AGBL4: variants seen among roughly 807,000 people sequenced by gnomAD.
AGBL4 encodes the protein AGBL carboxypeptidase 4, also known as cytosolic carboxypeptidase 6.
In AGBL4, 58 loss-of-function variants were observed where a neutral mutation model predicts 66.4. The observed-to-expected ratio is 0.87, with a 90% CI of 0.71 to 1.09. The LOEUF is 1.09. Ranked by LOEUF, AGBL4 falls within the 50% of genes least tolerant of loss-of-function variation. The probability of loss-of-function intolerance (pLI) is 0.00; values close to 1 mark genes in which losing one functional copy is unlikely to be tolerated. For missense variants in AGBL4, 579 were observed against 631.0 expected (o/e 0.92, Z 0.88); for synonymous variants, 234 against 222.9 (o/e 1.05, Z -0.44).
chr1:49,756,590 T>C (rs1163646906), intron 2 of AGBL4, among the ~76,000 whole-genome samples: 1 of 152,224 alleles, frequency 6.6e-6, no homozygotes, highest in Non-Finnish European at 1.5e-5. Context: ...TCTTGAATTG[T>C]AGTTCCCATA....
At chr1:48,899,060 G>C (rs568187230) in intron 5 of AGBL4, among the ~76,000 whole-genome samples, 53 of 152,318 alleles carry the variant, frequency 3.5e-4, no homozygotes, top group African/African-American at 1.3e-3. Context: ...CAGCCACGTC[G>C]CTGGGCCTGA....
rs1237812622 is a variant in AGBL4 at position 49,700,873 on chromosome 1, T to TA, written c.158-3437dup. Among the ~76,000 whole-genome samples the TA allele has an allele frequency of 9.9e-5, 15 of 151,680 alleles. No homozygotes were observed. In the South Asian group the frequency reaches 2.9e-3, roughly 30 times the overall value. On this transcript the variant is annotated intron_variant, in intron 2 of 13. Coordinates refer to ENST00000371839, the MANE Select transcript of AGBL4 (RefSeq NM_032785.4). ...GATCCATGCTTCTGTTTTAAAGAGG[T>TA]AAAAAAAGATGGTATTTTCAAAACA... is the stretch of plus-strand genomic sequence containing the variant.
At chr1:49,177,087 T>G (rs1646846473) in intron 4 of AGBL4, among the ~76,000 whole-genome samples, 1 of 152,134 alleles carries the variant, frequency 6.6e-6, no homozygotes, top group African/African-American at 2.4e-5. Context: ...TTTGATTATA[T>G]CTTGTGAAGA....
At chr1:49,134,232 C>CGAGACCACGAGGTCAGGGT (rs1645959688) in intron 4 of AGBL4, among the ~76,000 whole-genome samples, 2 of 152,036 alleles carry the variant, frequency 1.3e-5, no homozygotes, top group Admixed American at 1.3e-4. Context: ...AAGGTCAGGG[C>CGAGACCACGAGGTCAGGGT]GAGACCACGA....
intron 6 of AGBL4, among the ~76,000 whole-genome samples, chr1:48,841,399 AAC>A (rs751288633): frequency 0.031 from 2,171 of 70,158 alleles, 98 homozygotes; most frequent in Admixed American, 0.12. Flanking sequence ...CTTACTACAA[AAC>A]CCCCCCCCCC....
chr1:49,210,028 A>T (rs1230181467), intron 4 of AGBL4, among the ~76,000 whole-genome samples: 1 of 152,116 alleles, frequency 6.6e-6, no homozygotes, highest in African/African-American at 2.4e-5. Flanking sequence ...TCAAGTGAAA[A>T]GTGTAAGACG....
chr1:49,324,067 C>T (rs61783593), intron 3 of AGBL4, among the ~76,000 whole-genome samples: 73 of 152,280 alleles, frequency 4.8e-4, no homozygotes, highest in Non-Finnish European at 8.5e-4. Flanking sequence ...AACAAATTAA[C>T]GAATAAATGA....
intron 11 of AGBL4, among the ~76,000 whole-genome samples, chr1:48,581,563 C>A (rs1312965746): frequency 6.6e-6 from 1 of 152,118 alleles, no homozygotes; most frequent in Non-Finnish European, 1.5e-5. Context: ...CCCTCTTTTT[C>A]AAATCGTTTG....
At chr1:49,074,515 A>G (rs147832163) in intron 4 of AGBL4, among the ~76,000 whole-genome samples, 1,858 of 152,170 alleles carry the variant, frequency 0.012, 36 homozygotes, top group African/African-American at 0.043. Flanking sequence ...TTCCTATTCG[A>G]CCATCTTGCC....
At chr1:49,424,382 C>T (rs572586375) in intron 3 of AGBL4, among the ~76,000 whole-genome samples, 2 of 152,162 alleles carry the variant, frequency 1.3e-5, no homozygotes, top group African/African-American at 4.8e-5. Context: ...TATATTAGTC[C>T]TGCCTTAGGC....
chr1:49,657,627 C>T (rs1257552169), intron 3 of AGBL4, among the ~76,000 whole-genome samples: 1 of 152,148 alleles, frequency 6.6e-6, no homozygotes, highest in Non-Finnish European at 1.5e-5. Context: ...GCCACAGTAA[C>T]CAAAACAGCA....
At chr1:49,650,797 G>A (rs1016007196) in intron 3 of AGBL4, among the ~76,000 whole-genome samples, 3 of 152,140 alleles carry the variant, frequency 2.0e-5, no homozygotes, top group South Asian at 2.1e-4. Flanking sequence ...TCTGTGAAGC[G>A]GGTGGTACTA....
intron 2 of AGBL4, among the ~76,000 whole-genome samples, chr1:49,797,978 G>T (rs546859547): frequency 6.6e-6 from 1 of 152,076 alleles, no homozygotes; most frequent in Non-Finnish European, 1.5e-5. Context: ...GGCCAGGCTG[G>T]TCTCGAACTA....
At chr1:49,420,344 C>T (rs1245697828) in intron 3 of AGBL4, among the ~76,000 whole-genome samples, 1 of 152,110 alleles carries the variant, frequency 6.6e-6, no homozygotes, top group Non-Finnish European at 1.5e-5. Context: ...ATAAGAGTAA[C>T]AAACTAGTCT....
intron 5 of AGBL4, among the ~76,000 whole-genome samples, chr1:49,031,670 G>A (rs149443965): frequency 1.3e-5 from 2 of 152,198 alleles, no homozygotes; most frequent in African/African-American, 4.8e-5. Flanking sequence ...AACATCATTA[G>A]TCATAAGGGG....
intron 4 of AGBL4, among the ~76,000 whole-genome samples, chr1:49,124,436 T>C (rs935956790): frequency 7.2e-5 from 11 of 152,172 alleles, no homozygotes; most frequent in African/African-American, 1.4e-4. Context: ...TCAGCTGCTA[T>C]TGGATAATTA....
rs552684991 is a variant in AGBL4 at position 49,185,205 on chromosome 1, A to T, written c.377+60565T>A. Among the ~76,000 whole-genome samples the T allele has an allele frequency of 2.6e-5, 4 of 152,302 alleles. No homozygotes were observed. In the South Asian group the frequency reaches 8.3e-4, roughly 32 times the overall value. On this transcript the variant is annotated intron_variant, in intron 4 of 13. Coordinates refer to ENST00000371839, the MANE Select transcript of AGBL4 (RefSeq NM_032785.4). The stretch of plus-strand genomic sequence containing the variant: ...GTGGAGATGCCCGTAAGTAAGACAG[A>T]CCAGGTCTCTGTCCCCATAGAAAAT...
chr1:49,315,049 C>G (rs1219744978), intron 3 of AGBL4, among the ~76,000 whole-genome samples: 3 of 151,794 alleles, frequency 2.0e-5, no homozygotes, highest in African/African-American at 7.2e-5. Flanking sequence ...GGTACTGGTA[C>G]CAAAACAGAT....
At chr1:49,132,164 T>C (rs552537042) in intron 4 of AGBL4, among the ~76,000 whole-genome samples, 1 of 152,186 alleles carries the variant, frequency 6.6e-6, no homozygotes, top group South Asian at 2.1e-4. Flanking sequence ...ATGGAATTCA[T>C]AAATTTAGGA....
Sources: allele counts gnomAD v4.1 joint callset (sites outside exome capture counted in the v4.1 genomes callset), GRCh38; gene constraint gnomAD v4.1.1; transcripts MANE v1.5; gene names NCBI Gene and HGNC (gene_info 2026-07-23, HGNC 2026-07-21).